Variants in MYO5A observed in about 807,000 individuals in gnomAD.
The protein encoded by MYO5A is unconventional myosin-Va.
MYO5A carries 98 observed loss-of-function variants against 249.7 expected under a neutral mutation model. That is an observed-to-expected ratio of 0.39 (90% CI 0.33 to 0.46). The LOEUF (loss-of-function observed/expected upper bound fraction) is 0.46, where lower values mean the gene tolerates loss of function less well. Ranked by LOEUF, MYO5A falls within the 20% of genes least tolerant of loss-of-function variation. MYO5A has a pLI of 0.98. For missense variants in MYO5A, 1,696 were observed against 2,308.8 expected, an observed-to-expected ratio of 0.73 and a Z score of 5.44; for synonymous variants, 778 against 810.6, an observed-to-expected ratio of 0.96 and a Z score of 0.68.
chr15:52,350,076 G>A (rs1225903190), intron 28 of MYO5A, among the ~76,000 whole-genome samples: 1 of 152,244 alleles, frequency 6.6e-6, no homozygotes, highest in Non-Finnish European at 1.5e-5. Flanking sequence ...GGGACTACAG[G>A]CGCCTGCCAC....
chr15:52,497,753 T>C (rs1397364741), intron 1 of MYO5A, among the ~76,000 whole-genome samples: 3 of 93,756 alleles, frequency 3.2e-5, no homozygotes, highest in African/African-American at 1.4e-4. Flanking sequence ...TGAGACTCTG[T>C]CTCAAAAAAA....
At chr15:52,463,741 A>G (rs2076298882) in intron 1 of MYO5A, among the ~76,000 whole-genome samples, 1 of 152,208 alleles carries the variant, frequency 6.6e-6, no homozygotes, top group Non-Finnish European at 1.5e-5. Flanking sequence ...AAAGATGCCT[A>G]AGCTATTTTT....
intron 37 of MYO5A, 80 bp from the exon 38 acceptor site, chr15:52,321,589 T>A: frequency 6.8e-7 from 1 of 1,475,232 alleles, no homozygotes; most frequent in African/African-American, 1.4e-5. Context: ...TTGATCAGCA[T>A]CTTCATGCTC....
Position 52,370,434 on chromosome 15 carries a change from A to G in MYO5A, c.2818-17T>C, listed in dbSNP as rs767723000. 8.8e-6 allele frequency: 14 copies of G among 1,591,714 alleles called. No individual in the cohort carries two copies. Among genetic ancestry groups the G allele is most frequent in the Non-Finnish European group, 1.2e-5 (14 of 1,160,252 alleles). ...GTCTTTGTTCTTTAAACATACACAT[A>G]AGTAACAATAAGTAAATACACATAT... On this transcript the variant is annotated splice_polypyrimidine_tract_variant and intron_variant, in intron 21 of 41. Coordinates refer to ENST00000399233, the MANE Select transcript of MYO5A (RefSeq NM_001382347.1).
chr15:52,429,371 T>C (rs1250478404), intron 2 of MYO5A, among the ~76,000 whole-genome samples: 2 of 152,272 alleles, frequency 1.3e-5, no homozygotes, highest in South Asian at 2.1e-4. Context: ...CTGGCCAACA[T>C]GGCAAGACTC....
At chr15:52,485,623 G>A (rs1227251236) in intron 1 of MYO5A, among the ~76,000 whole-genome samples, 1 of 152,084 alleles carries the variant, frequency 6.6e-6, no homozygotes, top group Non-Finnish European at 1.5e-5. Context: ...CCTCTTGTAT[G>A]GATAATATAG....
At chr15:52,377,461 A>C (rs897061393) in intron 18 of MYO5A, among the ~76,000 whole-genome samples, 2 of 152,084 alleles carry the variant, frequency 1.3e-5, no homozygotes, top group African/African-American at 4.8e-5. Context: ...ACAAAAACAT[A>C]ATAATTTATA....
At chr15:52,371,628 T>C (rs1209223490) in intron 21 of MYO5A, among the ~76,000 whole-genome samples, 1 of 151,928 alleles carries the variant, frequency 6.6e-6, no homozygotes, top group Non-Finnish European at 1.5e-5. Context: ...TAGCTCATGC[T>C]TGTAATCCCA....
At chr15:52,524,656 T>C (rs2077696889) in intron 1 of MYO5A, among the ~76,000 whole-genome samples, 1 of 151,952 alleles carries the variant, frequency 6.6e-6, no homozygotes, top group Non-Finnish European at 1.5e-5. Flanking sequence ...AGCAGGAGGA[T>C]CACTTGAGTC....
chr15:52,336,264 T>C (rs569234529), intron 34 of MYO5A, among the ~76,000 whole-genome samples, 199 bp downstream of exon 34: 1 of 152,226 alleles, frequency 6.6e-6, no homozygotes, highest in Non-Finnish European at 1.5e-5. Flanking sequence ...AAATTATTAC[T>C]ACCCATGAAA....
intron 31 of MYO5A, among the ~76,000 whole-genome samples, chr15:52,340,905 A>G (rs1169156947): frequency 6.6e-6 from 1 of 151,094 alleles, no homozygotes; most frequent in Non-Finnish European, 1.5e-5. Context: ...CTGAGATTGC[A>G]CCATTGCACT....
At chr15:52,337,600 T>G (rs1291727499) in intron 33 of MYO5A, among the ~76,000 whole-genome samples, 1 of 152,242 alleles carries the variant, frequency 6.6e-6, no homozygotes, top group African/African-American at 2.4e-5. Context: ...ACTGTAAGCC[T>G]AGTGTTAATA....
At chr15:52,348,746 T>TG in intron 29 of MYO5A, 72 bp downstream of exon 29, 1 of 1,263,868 alleles carries the variant, frequency 7.9e-7, no homozygotes, top group Non-Finnish European at 1.1e-6. Context: ...TTGCCTTTAT[T>TG]GGGGGATACT....
intron 1 of MYO5A, among the ~76,000 whole-genome samples, chr15:52,451,930 C>G (rs150541002): frequency 6.6e-6 from 1 of 152,310 alleles, no homozygotes; most frequent in Non-Finnish European, 1.5e-5. Context: ...CTGATGCCCA[C>G]AGCCCAACAT....
chr15:52,435,363 G>A (rs1333231866), intron 1 of MYO5A, among the ~76,000 whole-genome samples: 7 of 136,488 alleles, frequency 5.1e-5, no homozygotes, highest in African/African-American at 8.2e-5. Context: ...TGCAACCTCC[G>A]CCTCCTGGGT....
chr15:52,382,294 T>C (rs554518411), intron 16 of MYO5A, among the ~76,000 whole-genome samples: 1 of 152,276 alleles, frequency 6.6e-6, no homozygotes, highest in African/African-American at 2.4e-5. Flanking sequence ...ATTAGAAAAA[T>C]AGGCTGGGCA....
intron 13 of MYO5A, among the ~76,000 whole-genome samples, chr15:52,388,708 C>A (rs1373834340): frequency 6.6e-6 from 1 of 152,100 alleles, no homozygotes; most frequent in Non-Finnish European, 1.5e-5. Context: ...TAGAAGGGAC[C>A]CAGTGAATCA....
At position 52,319,244 on chromosome 15, in the gene MYO5A, A is replaced by G; in HGVS notation, c.5050T>C (p.Tyr1684His). The change falls in exon 39 of 42, where the codon TAC (tyrosine) becomes CAC (histidine). Residue 1684 changes from tyrosine to histidine, a missense_variant. Tyr to His is a moderately conservative substitution (Grantham distance 83, BLOSUM62 2). Around this residue, in one of 5 missense-constraint regions of MYO5A, gnomAD observed 625 missense variants for 908.1 expected, o/e 0.69. Transcript: ENST00000399233. ...TGCCGGAGGATGGAGTCCAGTGTGT[A>G]GGTGCCCTCATCGGCGATACTGGAG... is the stretch of plus-strand genomic sequence containing the variant. ...RTSSIADEGT[Y>H]TLDSILRQLN... 6.2e-7 allele frequency: 1 copy of G among 1,614,162 alleles called. No homozygotes were observed. The highest frequency in any genetic ancestry group is 8.5e-7 in the Non-Finnish European group (1 of 1,180,028).
rs146899471 is a variant in MYO5A, at chr15:52,406,502, T to C, written c.946+790A>G. 4.4e-3 allele frequency among the ~76,000 whole-genome samples: 674 copies of C among 152,318 alleles called. 3 individuals are homozygous for C. The highest frequency in any genetic ancestry group is 6.1e-3 in the Non-Finnish European group (412 of 68,018). On this transcript the variant is annotated intron_variant, in intron 8 of 41. Transcript: ENST00000399233. ...TGTTTCAGTAGGTCTGAGAAGGGAT[T>C]TGAGATTCTGCATTTCTAGCAAGGC...
Sources: allele counts gnomAD v4.1 joint callset (sites outside exome capture counted in the v4.1 genomes callset), GRCh38; gene constraint gnomAD v4.1.1; regional missense constraint gnomAD v4.1.1; transcripts MANE v1.5; gene names NCBI Gene and HGNC (gene_info 2026-07-23, HGNC 2026-07-21).